GRM7: variants seen among roughly 807,000 people sequenced by gnomAD.
GRM7 encodes glutamate metabotropic receptor 7, also known as metabotropic glutamate receptor 7.
In GRM7, 35 loss-of-function variants were observed where a neutral mutation model predicts 84.5. That is an observed-to-expected ratio of 0.41 (90% CI 0.32 to 0.55). GRM7 has a LOEUF of 0.55. Among genes scored for constraint, GRM7 ranks in the 20% least tolerant of loss-of-function variants. The pLI is 0.19. For missense variants in GRM7, 1,003 were observed against 1,194.6 expected, an observed-to-expected ratio of 0.84 and a Z score of 2.36; for synonymous variants, 487 against 455.1, an observed-to-expected ratio of 1.07 and a Z score of -0.89.
intron 1 of GRM7, among the ~76,000 whole-genome samples, chr3:7,068,510 GT>G (rs1218398904): frequency 1.3e-5 from 2 of 151,938 alleles, no homozygotes; most frequent in African/African-American, 2.4e-5. Flanking sequence ...ATAAGAACCG[GT>G]TTTGATTTTA....
At chr3:7,667,089 ACT>A (rs1454547211) in intron 8 of GRM7, among the ~76,000 whole-genome samples, 1 of 151,928 alleles carries the variant, frequency 6.6e-6, no homozygotes, top group Admixed American at 6.6e-5. Flanking sequence ...ACACAGCAAG[ACT>A]CTGTCTCTAC....
intron 9 of GRM7, among the ~76,000 whole-genome samples, chr3:7,712,424 T>G (rs1701612492): frequency 6.6e-6 from 1 of 151,112 alleles, no homozygotes; most frequent in Non-Finnish European, 1.5e-5. Context: ...TCTCTCTTCC[T>G]CCTCCCTCTC....
chr3:7,490,300 G>A (rs373469617), intron 7 of GRM7, among the ~76,000 whole-genome samples: 15 of 152,118 alleles, frequency 9.9e-5, no homozygotes, highest in African/African-American at 3.4e-4. Flanking sequence ...AGCACAAAAT[G>A]TATAGGCTTT....
intron 7 of GRM7, among the ~76,000 whole-genome samples, chr3:7,485,408 G>A (rs1274931935): frequency 1.3e-5 from 2 of 152,190 alleles, no homozygotes; most frequent in Non-Finnish European, 2.9e-5. Context: ...GATTCATCAA[G>A]TTGGAGAAGT....
At chr3:7,275,897 A>C (rs1052978896) in intron 2 of GRM7, among the ~76,000 whole-genome samples, 3 of 152,072 alleles carry the variant, frequency 2.0e-5, no homozygotes, top group African/African-American at 7.2e-5. Context: ...AGATTTATCC[A>C]CACTGACCCT....
chr3:6,874,399 C>T (rs1011067680), intron 1 of GRM7, among the ~76,000 whole-genome samples: 6 of 152,150 alleles, frequency 3.9e-5, no homozygotes, highest in African/African-American at 1.4e-4. Flanking sequence ...CAGTCAGAGC[C>T]AGCTCCGGGC....
chr3:7,647,129 G>A (rs373405528), intron 8 of GRM7, among the ~76,000 whole-genome samples: 5 of 152,214 alleles, frequency 3.3e-5, no homozygotes, highest in Admixed American at 1.3e-4. Flanking sequence ...GAAAGAACCC[G>A]TGTGGGTATG....
intron 8 of GRM7, among the ~76,000 whole-genome samples, chr3:7,666,600 T>C (rs551700792): frequency 6.6e-6 from 1 of 152,270 alleles, no homozygotes; most frequent in South Asian, 2.1e-4. Flanking sequence ...ATAACAATGA[T>C]AACGGCCAAA....
intron 1 of GRM7, among the ~76,000 whole-genome samples, chr3:7,100,359 C>A (rs909514763): frequency 6.6e-6 from 1 of 151,638 alleles, no homozygotes; most frequent in Admixed American, 6.6e-5. Flanking sequence ...GGCACCCCTG[C>A]AGTTTTAAAG....
chr3:7,476,711 A>G lies in GRM7; in HGVS notation c.1515+14989A>G, dbSNP rs369753746. Reference sequence around the variant, plus strand: ...CTTCACACCAGTTTTCCCTCCTTCCAGAATCAGATGGCCATTCCCAGCTCC... The same window carrying G: ...CTTCACACCAGTTTTCCCTCCTTCCGGAATCAGATGGCCATTCCCAGCTCC... On this transcript the variant is annotated intron_variant, in intron 7 of 9. Transcript: ENST00000357716. Among the ~76,000 whole-genome samples, 23 of 152,312 alleles carry G rather than the reference A, an allele frequency of 1.5e-4. No homozygotes were observed. The South Asian group carries it at 1.9e-3, about 12-fold the overall frequency.
intron 1 of GRM7, among the ~76,000 whole-genome samples, chr3:6,984,071 C>T (rs762676550): frequency 6.6e-6 from 1 of 152,160 alleles, no homozygotes; most frequent in Non-Finnish European, 1.5e-5. Context: ...AGCTCACATA[C>T]TCAAAAACAT....
chr3:6,907,249 A>G (rs1177686798), intron 1 of GRM7, among the ~76,000 whole-genome samples: 2 of 152,162 alleles, frequency 1.3e-5, no homozygotes, highest in African/African-American at 4.8e-5. Flanking sequence ...AAATAAAAAT[A>G]CAAAGTAAAA....
chr3:6,897,569 A>G (rs999702979), intron 1 of GRM7, among the ~76,000 whole-genome samples: 3 of 152,196 alleles, frequency 2.0e-5, no homozygotes, highest in East Asian at 1.9e-4. Context: ...ATTACATTAG[A>G]TTAGTGCATT....
intron 9 of GRM7, among the ~76,000 whole-genome samples, chr3:7,699,475 A>G (rs904017260): frequency 6.6e-6 from 1 of 152,230 alleles, no homozygotes; most frequent in Admixed American, 6.5e-5. Context: ...ATTCTATAAC[A>G]AACAAGTTAC....
intron 7 of GRM7, among the ~76,000 whole-genome samples, chr3:7,494,617 G>T (rs943899442): frequency 6.6e-6 from 1 of 152,052 alleles, no homozygotes; most frequent in Non-Finnish European, 1.5e-5. Flanking sequence ...TATTACACAG[G>T]TGACTGAAGC....
intron 1 of GRM7, among the ~76,000 whole-genome samples, chr3:7,106,447 G>T (rs1380239471): frequency 1.9e-4 from 29 of 151,140 alleles, no homozygotes; most frequent in Non-Finnish European, 7.4e-5. Flanking sequence ...ATCTTGGATT[G>T]CTATCTTGGG....
chr3:6,914,339 T>C (rs1403619673), intron 1 of GRM7, among the ~76,000 whole-genome samples: 4 of 152,222 alleles, frequency 2.6e-5, no homozygotes, highest in African/African-American at 9.6e-5. Flanking sequence ...TTTTATGCTC[T>C]CTAAAATGAT....
intron 4 of GRM7, among the ~76,000 whole-genome samples, chr3:7,409,704 A>C (rs1193255839): frequency 3.9e-5 from 6 of 152,038 alleles, no homozygotes; most frequent in Non-Finnish European, 7.4e-5. Flanking sequence ...GGGTTCAAGC[A>C]GTTCTCCTGC....
intron 8 of GRM7, among the ~76,000 whole-genome samples, chr3:7,677,715 G>T (rs1232044627): frequency 6.6e-6 from 1 of 152,182 alleles, no homozygotes; most frequent in Non-Finnish European, 1.5e-5. Flanking sequence ...TAGTTGTAGA[G>T]TCCTAAATTG....
Sources: gnomAD v4.1 joint callset for allele counts (sites outside exome capture counted in the v4.1 genomes callset) on GRCh38, gnomAD v4.1.1 for gene constraint, MANE v1.5 for transcripts, NCBI Gene and HGNC (gene_info 2026-07-23, HGNC 2026-07-21) for gene names.